The following PLXNB1 variants were observed in gnomAD, a reference collection of about 807,000 sequenced individuals.
PLXNB1 encodes the protein plexin-B1.
PLXNB1 carries 106 observed loss-of-function variants against 209.4 expected under a neutral mutation model. The ratio of observed to expected loss-of-function variants is 0.51; its 90% confidence interval spans 0.43 to 0.59. The LOEUF is 0.59. Among genes scored for constraint, PLXNB1 ranks in the 20% least tolerant of loss-of-function variants. PLXNB1 has a pLI of 0.00. For missense variants in PLXNB1, 2,357 were observed against 2,853.2 expected (o/e 0.83, Z 3.96); for synonymous variants, 1,167 against 1,183.2 (o/e 0.99, Z 0.28).
intron 10 of PLXNB1, among the ~76,000 whole-genome samples, 155 bp from the exon 11 acceptor site, chr3:48,420,412 G>A (rs1221588037): frequency 1.3e-5 from 2 of 152,160 alleles, no homozygotes. Context: ...AAACTGCGGG[G>A]GAAGGCTCCA....
intron 9 of PLXNB1, 28 bp from the exon 10 acceptor site, chr3:48,420,801 G>C: frequency 1.9e-6 from 3 of 1,612,376 alleles, no homozygotes; most frequent in Non-Finnish European, 1.7e-6. Context: ...ATGGGGCAAG[G>C]GTCGCCACAG....
chr3:48,412,584 C>G lies in PLXNB1; in HGVS notation c.4891G>C (p.Ala1631Pro), dbSNP rs752317700. The change falls in exon 26 of 38, where the codon GCT (alanine) becomes CCT (proline). Residue 1631 changes from alanine (A) to proline (P), a missense_variant. By Grantham distance (27) the Ala-to-Pro change is conservative. Coordinates refer to ENST00000296440, the MANE Select transcript of PLXNB1 (RefSeq NM_001130082.3). ...HTLESQRTFS[A>P]RDRAYVASLL... Reference sequence around the variant, plus strand: ...GATGCCACGTAGGCACGGTCCCGAGCTGAAAAGGTGCGCTGGCTCTCCAGC... The same window carrying G: ...GATGCCACGTAGGCACGGTCCCGAGGTGAAAAGGTGCGCTGGCTCTCCAGC... The G allele has an allele frequency of 6.2e-6, 10 of 1,613,432 alleles. No individual in the cohort carries two copies. The highest frequency in any genetic ancestry group is 3.3e-5 in the Admixed American group (2 of 60,006).
rs1168521601 is a variant in PLXNB1, at chr3:48,416,418, C to T, written c.3408G>A (p.Glu1136=). The change falls in exon 17 of 38, where the codon GAG becomes GAA. Residue 1136 remains glutamate, a synonymous_variant. Coordinates refer to ENST00000296440, the MANE Select transcript of PLXNB1 (RefSeq NM_001130082.3). This position sits in a 1 kb window ranked among gnomAD's most constrained non-coding sequence, Gnocchi z 4.1. ...LVCITGASGE[E]VAGATAVEVP... ...CCTCCACCGCTGTGGCGCCGGCCACCTCCTCCCCACTGGCCCCGGTGATGC... is the reference window on the plus strand; with the variant it reads ...CCTCCACCGCTGTGGCGCCGGCCACTTCCTCCCCACTGGCCCCGGTGATGC... 2.5e-6 allele frequency: 4 copies of T among 1,613,064 alleles called. No homozygotes were observed. The highest frequency in any genetic ancestry group is 2.5e-6 in the Non-Finnish European group (3 of 1,179,916).
chr3:48,419,081 G>A lies in PLXNB1; in HGVS notation c.2833-42C>T. On this transcript the variant is annotated intron_variant, in intron 12 of 37. Coordinates refer to ENST00000296440, the MANE Select transcript of PLXNB1 (RefSeq NM_001130082.3). This position sits in a 1 kb window ranked among gnomAD's most constrained non-coding sequence, Gnocchi z 5.7. Reference sequence around the variant, plus strand: ...CAGCTGTTGGGCAGCTTCAGGAGCTGGGCCCAGGGAGTCCTGCAGGTCACC... The same window carrying A: ...CAGCTGTTGGGCAGCTTCAGGAGCTAGGCCCAGGGAGTCCTGCAGGTCACC... 1.2e-6 allele frequency: 2 copies of A among 1,607,162 alleles called. No homozygotes were observed. The highest frequency in any genetic ancestry group is 1.7e-6 in the Non-Finnish European group (2 of 1,174,650).
At chr3:48,427,642 C>A (rs1034521454) in intron 1 of PLXNB1, among the ~76,000 whole-genome samples, 1 of 152,228 alleles carries the variant, frequency 6.6e-6, no homozygotes, top group Admixed American at 6.5e-5. Flanking sequence ...AGTGCTCCCC[C>A]ACACATGCCC....
chr3:48,422,066 G>A (rs763079310), intron 6 of PLXNB1, 39 bp downstream of exon 6: 1 of 1,544,636 alleles, frequency 6.5e-7, no homozygotes, highest in African/African-American at 1.4e-5. Context: ...GAGCATTGTG[G>A]GCTTGAGGCT....
intron 7 of PLXNB1, 110 bp downstream of exon 7, chr3:48,421,564 T>A (rs950175458): frequency 2.3e-5 from 28 of 1,222,694 alleles, no homozygotes; most frequent in Non-Finnish European, 3.1e-5. Flanking sequence ...AAGTGACTTG[T>A]GTGAGGCCAT....
Position 48,404,203 on chromosome 3 carries a change from G to C in PLXNB1, c.*283C>G. The C allele has an allele frequency of 2.3e-6, 1 of 425,952 alleles. No homozygotes were observed. Among genetic ancestry groups the C allele is most frequent in the Middle Eastern group, 6.2e-4 (1 of 1,620 alleles). 26.4% of individuals were successfully genotyped at this position (425,952 alleles called of 1,614,324 possible). A position where few individuals can be genotyped will look rare whatever the true frequency, so the allele number is the denominator to read the frequency against. On this transcript the variant is annotated 3_prime_UTR_variant, in exon 38 of 38. Transcript: ENST00000296440. ...CCCCAGGGGCCTGGAGTCTCTTCCA[G>C]CCACTCTCTGGAAGCCCTTAGTCCC...
chr3:48,421,024 C>T lies in PLXNB1; in HGVS notation c.1811-68G>A, dbSNP rs2038480848. On this transcript the variant is annotated intron_variant, in intron 8 of 37. Coordinates refer to ENST00000296440, the MANE Select transcript of PLXNB1 (RefSeq NM_001130082.3). ...TGCACTCAGACCCAGAGCCGATATCCTGAGCCCTTGAATGGGGAAGAGGAC... is the reference window on the plus strand; with the variant it reads ...TGCACTCAGACCCAGAGCCGATATCTTGAGCCCTTGAATGGGGAAGAGGAC... The T allele has an allele frequency of 5.0e-5, 71 of 1,408,386 alleles. No individual in the cohort carries two copies. In the South Asian group the frequency reaches 8.0e-4, roughly 16 times the overall value. The allele number at this position is 1,408,386 out of a possible 1,614,324, so 87.2% of individuals were successfully genotyped here. A position where few individuals can be genotyped will look rare whatever the true frequency, so the allele number is the denominator to read the frequency against.
chr3:48,416,279 T>C lies in PLXNB1; in HGVS notation c.3480+67A>G. 1 of 1,556,786 alleles carries C rather than the reference T, an allele frequency of 6.4e-7. No individual in the cohort carries two copies. Among genetic ancestry groups the C allele is most frequent in the Non-Finnish European group, 8.8e-7 (1 of 1,135,034 alleles). ...GGAGCCCCACCAAGGAATAACCAGA[T>C]GGGTTGAGAGGAGCCACCAGAGAGG... On this transcript the variant is annotated intron_variant, in intron 17 of 37. Coordinates refer to ENST00000296440, the MANE Select transcript of PLXNB1 (RefSeq NM_001130082.3). The surrounding 1 kb of genome is among the most constrained non-coding windows in gnomAD (Gnocchi z 4.1).
intron 34 of PLXNB1, among the ~76,000 whole-genome samples, chr3:48,407,839 T>A (rs964584928): frequency 6.6e-6 from 1 of 152,186 alleles, no homozygotes; most frequent in Non-Finnish European, 1.5e-5. Context: ...GGGGAGGTAC[T>A]GGAAGGATCT....
chr3:48,423,357 G>T, intron 3 of PLXNB1, 148 bp downstream of exon 3: 1 of 870,036 alleles, frequency 1.1e-6, no homozygotes. Context: ...CACTGCCCAG[G>T]CAACATAGGA....
chr3:48,411,116 C>T lies in PLXNB1; in HGVS notation c.5248-80G>A. ...ACACAGGCCAAGGGCAGAGACAACTCATGAGAAACTGCTGCCTCCAATCCC... is the reference window on the plus strand; with the variant it reads ...ACACAGGCCAAGGGCAGAGACAACTTATGAGAAACTGCTGCCTCCAATCCC... On this transcript the variant is annotated intron_variant, in intron 28 of 37. Coordinates refer to ENST00000296440, the MANE Select transcript of PLXNB1 (RefSeq NM_001130082.3). The surrounding 1 kb of genome is among the most constrained non-coding windows in gnomAD (Gnocchi z 4.0). 3.9e-6 allele frequency: 5 copies of T among 1,266,242 alleles called. No homozygotes were observed. The highest frequency in any genetic ancestry group is 5.5e-6 in the Non-Finnish European group (5 of 912,802). 78.4% of individuals were successfully genotyped at this position (1,266,242 alleles called of 1,614,324 possible). A position where few individuals can be genotyped will look rare whatever the true frequency, so the allele number is the denominator to read the frequency against.
At position 48,424,513 on chromosome 3, in the gene PLXNB1, C is replaced by T. The variant is rs141235519; in HGVS notation, c.99G>A (p.Thr33=). Residue 33 remains threonine, a synonymous_variant, in exon 3 of 38, where the codon ACG becomes ACA. Coordinates refer to ENST00000296440, the MANE Select transcript of PLXNB1 (RefSeq NM_001130082.3). ...LPPTAFTPNG[T]YLQHLARDPT... is the part of the protein sequence containing the mutation. ...GGTCCCTTGCCAGGTGCTGCAGATA[C>T]GTGCCATTGGGAGTGAATGCAGTTG... is the stretch of plus-strand genomic sequence containing the variant. The T allele has an allele frequency of 1.3e-5, 21 of 1,601,372 alleles. No homozygotes were observed. The highest frequency in any genetic ancestry group is 8.0e-5 in the African/African-American group (6 of 74,714).
rs1233891016 is a variant in PLXNB1, at chr3:48,422,126, C to T, written c.1499G>A (p.Gly500Glu). The T allele has an allele frequency of 1.2e-6, 2 of 1,613,822 alleles. No homozygotes were observed. The highest frequency in any genetic ancestry group is 1.3e-5 in the African/African-American group (1 of 74,912). Reference sequence around the variant, plus strand: ...TGACCTGCCAAGGAGCACGCACCACCCACAGTATGGGTCCCTGTGAGCAAG... The same window carrying T: ...TGACCTGCCAAGGAGCACGCACCACTCACAGTATGGGTCCCTGTGAGCAAG... ...SCLAHRDPYC[G>E]WCVLLGRCSR... Residue 500 changes from glycine (G) to glutamate (E), a missense_variant, in exon 6 of 38, where the codon GGG becomes GAG. Gly to Glu is a moderately conservative substitution (Grantham distance 98). Transcript: ENST00000296440.
chr3:48,409,960 C>T lies in PLXNB1; in HGVS notation c.5723G>A (p.Arg1908His), dbSNP rs774979670. 1.1e-5 allele frequency: 17 copies of T among 1,611,996 alleles called. No homozygotes were observed. Among genetic ancestry groups the T allele is most frequent in the Non-Finnish European group, 1.4e-5 (17 of 1,179,478 alleles). ...CTCAGGGATGGCCTTGGCGCGCTCA[C>T]GCTCCCCGCCCCGAAGGCTGCCCCT... ...PRRGSLRGGE[R>H]ERAKAIPEIY... Residue 1908 changes from arginine (R) to histidine (H), a missense_variant, in exon 32 of 38, where the codon CGT (arginine) becomes CAT (histidine). Physicochemically the swap from Arg to His is conservative, Grantham distance 29 (BLOSUM62 0). Around this residue, in one of 7 missense-constraint regions of PLXNB1, gnomAD observed 414 missense variants for 520.5 expected, o/e 0.80. Coordinates refer to ENST00000296440, the MANE Select transcript of PLXNB1 (RefSeq NM_001130082.3). The surrounding 1 kb of genome is among the most constrained non-coding windows in gnomAD (Gnocchi z 5.8).
In PLXNB1 at chr3:48,410,571, G is replaced by A. The variant is rs751905578; in HGVS notation, c.5417-13C>T. ...CCAGACCGCCACTCTGCAAGGGCAA[G>A]GCAGAACTGGGTGCAGGGCTGGAAG... On this transcript the variant is annotated splice_polypyrimidine_tract_variant and intron_variant, in intron 29 of 37. Transcript: ENST00000296440. This position sits in a 1 kb window ranked among gnomAD's most constrained non-coding sequence, Gnocchi z 6.4. 6.2e-7 allele frequency: 1 copy of A among 1,603,058 alleles called. No homozygotes were observed. Among genetic ancestry groups the A allele is most frequent in the Non-Finnish European group, 8.5e-7 (1 of 1,170,786 alleles).
rs1238350595 is a variant in PLXNB1 at position 48,409,438 on chromosome 3, G to A, written c.5978C>T (p.Pro1993Leu). ...TGTTTGCACGTCGAACACAAACTGC[G>A]GGTTTTTTATTATATTGATCCAGAA... ...LRFWINIIKN[P>L]QFVFDVQTSD... is the part of the protein sequence containing the mutation. Residue 1993 changes from proline to leucine, a missense_variant, in exon 34 of 38, where the codon CCG (proline) becomes CTG (leucine). This residue lies in a region of PLXNB1 where 414 missense variants were observed against 520.5 expected (regional missense o/e 0.80). Coordinates refer to ENST00000296440, the MANE Select transcript of PLXNB1 (RefSeq NM_001130082.3). The surrounding 1 kb of genome is among the most constrained non-coding windows in gnomAD (Gnocchi z 5.8). The A allele has an allele frequency of 9.9e-6, 16 of 1,614,146 alleles. No homozygotes were observed. The highest frequency in any genetic ancestry group is 1.2e-5 in the Non-Finnish European group (14 of 1,180,030).
chr3:48,420,333 T>C, intron 10 of PLXNB1, 76 bp from the exon 11 acceptor site: 1 of 818,588 alleles, frequency 1.2e-6, no homozygotes, highest in East Asian at 2.7e-5. Flanking sequence ...GCAGGCACAG[T>C]GTATGTTAAG....
Sources: allele counts gnomAD v4.1 joint callset (sites outside exome capture counted in the v4.1 genomes callset), GRCh38; gene constraint gnomAD v4.1.1; regional missense constraint gnomAD v4.1.1; non-coding constraint Gnocchi (gnomAD v3.1); transcripts MANE v1.5; gene names NCBI Gene and HGNC (gene_info 2026-07-23, HGNC 2026-07-21).